The following DNAH1 variants were observed in gnomAD, a reference collection of about 807,000 sequenced individuals.
The protein encoded by DNAH1 is dynein axonemal heavy chain 1, also known as axonemal beta dynein heavy chain 1.
A neutral mutation model predicts 484.3 loss-of-function variants in DNAH1; 327 were observed. That is an observed-to-expected ratio of 0.68 (90% CI 0.62 to 0.74). The LOEUF is 0.74. DNAH1 is among the 30% of genes least tolerant of loss of function. DNAH1 has a pLI of 0.00. For synonymous variants in DNAH1, 2,192 were observed against 2,191.9 expected (o/e 1.00, Z 0.00); for missense variants, 5,052 against 5,546.8 (o/e 0.91, Z 2.83).
chr3:52,399,840 G>T, intron 77 of DNAH1, 61 bp downstream of exon 77: 1 of 1,509,392 alleles, frequency 6.6e-7, no homozygotes, highest in South Asian at 1.2e-5. Context: ...ACCCAGCCCA[G>T]CCCAAGCCAG....
chr3:52,395,996 T>C lies in DNAH1; in HGVS notation c.11259+318T>C, dbSNP rs969749903. On this transcript the variant is annotated intron_variant, in intron 70 of 77. Transcript: ENST00000420323. The surrounding 1 kb of genome is among the most constrained non-coding windows in gnomAD (Gnocchi z 4.4). Reference sequence around the variant, plus strand: ...CTCTGTCACCGGGGCTGGGGTGCAGTGGTGCAATCTCGGTTCACTGCAACC... The same window carrying C: ...CTCTGTCACCGGGGCTGGGGTGCAGCGGTGCAATCTCGGTTCACTGCAACC... 6.7e-6 allele frequency among the ~76,000 whole-genome samples: 1 copy of C among 148,720 alleles called. No homozygotes were observed. Among genetic ancestry groups the C allele is most frequent in the Non-Finnish European group, 1.5e-5 (1 of 67,480 alleles).
intron 60 of DNAH1, among the ~76,000 whole-genome samples, chr3:52,389,850 G>A (rs1250559908): frequency 2.0e-5 from 3 of 152,210 alleles, no homozygotes; most frequent in South Asian, 2.1e-4. Flanking sequence ...GGTGGCTCAC[G>A]CCTGTAATCC....
At chr3:52,318,591 C>T (rs1701034887) in intron 1 of DNAH1, among the ~76,000 whole-genome samples, 1 of 152,254 alleles carries the variant, frequency 6.6e-6, no homozygotes, top group African/African-American at 2.4e-5. Context: ...AAGCCCATGC[C>T]AGCCTCATGC....
chr3:52,333,724 T>C (rs946205343), intron 8 of DNAH1, among the ~76,000 whole-genome samples: 9 of 152,246 alleles, frequency 5.9e-5, no homozygotes, highest in African/African-American at 2.2e-4. Flanking sequence ...GAAAGTGATA[T>C]GCATTCAGTA....
upstream of DNAH1, among the ~76,000 whole-genome samples, chr3:52,311,787 G>C (rs905183790): frequency 6.6e-6 from 1 of 152,178 alleles, no homozygotes; most frequent in Non-Finnish European, 1.5e-5. Context: ...CTGGCTATGT[G>C]CCTGAGCCCA....
At position 52,363,077 on chromosome 3, in the gene DNAH1, A is replaced by T. The variant is rs192723261; in HGVS notation, c.5177A>T (p.Glu1726Val). The T allele has an allele frequency of 6.8e-5, 110 of 1,613,964 alleles. 1 individual carries two copies. In the African/African-American group the frequency reaches 1.3e-3, roughly 19 times the overall value. Residue 1726 changes from glutamate (E) to valine (V), a missense_variant, in exon 32 of 78, where the codon GAG becomes GTG. Around this residue, in one of 4 missense-constraint regions of DNAH1, gnomAD observed 2,929 missense variants for 3,409.4 expected, o/e 0.86. Transcript: ENST00000420323. Reference protein sequence around the residue: ...EISLYSFGFNEASVLAKKITT... With the variant: ...EISLYSFGFNVASVLAKKITT... ...TCCCTCTATTCCTTTGGCTTTAATG[A>T]GGCCAGTGTGCTGGCTAAGAAGATC...
intron 44 of DNAH1, chr3:52,374,026 G>T (rs1048190817): frequency 6.9e-6 from 7 of 1,016,168 alleles, no homozygotes; most frequent in African/African-American, 4.8e-5. Context: ...ATATAGCGAA[G>T]AAATATATTG....
rs1265332312 is a variant in DNAH1 at position 52,385,389 on chromosome 3, T to G, written c.8567T>G (p.Met2856Arg). The G allele has an allele frequency of 1.9e-6, 3 of 1,552,880 alleles. No homozygotes were observed. Among genetic ancestry groups the G allele is most frequent in the South Asian group, 2.4e-5 (2 of 84,114 alleles). The change falls in exon 54 of 78, where the codon ATG becomes AGG. Residue 2856 changes from methionine to arginine, a missense_variant. Met to Arg is a moderately conservative substitution (Grantham distance 91, BLOSUM62 -1). Coordinates refer to ENST00000420323, the MANE Select transcript of DNAH1 (RefSeq NM_015512.5). ...VAKMQEDLESMHPLLEEAAKD... is the reference protein window; with the variant it reads ...VAKMQEDLESRHPLLEEAAKD... ...AAGATGCAGGAGGACCTGGAGAGTA[T>G]GCACCCCCTGCTGGAGGAGGCTGCC...
At position 52,388,700 on chromosome 3, in the gene DNAH1, T is replaced by C. The variant is rs1323574499; in HGVS notation, c.9363+91T>C. On this transcript the variant is annotated intron_variant, in intron 58 of 77. Coordinates refer to ENST00000420323, the MANE Select transcript of DNAH1 (RefSeq NM_015512.5). ...GGGCGCCGGTGGGTCCTGGGGTGGC[T>C]GTCCACACCCCCTCCCTGGCAACCC... The C allele has an allele frequency of 2.9e-5, 46 of 1,604,926 alleles. No individual in the cohort carries two copies. In the Admixed American group the frequency reaches 5.2e-4, roughly 18 times the overall value.
Position 52,360,012 on chromosome 3 carries a change from G to A in DNAH1, c.4504G>A (p.Val1502Met), listed in dbSNP as rs17052095. 4.7e-3 allele frequency: 7,560 copies of A among 1,613,944 alleles called. 275 individuals are homozygous for A. The African/African-American group carries it at 0.081, about 17-fold the overall frequency. ...LIVIEVHAKD[V>M]VSKLIQENVV... The stretch of plus-strand genomic sequence containing the variant: ...CGTCATTGAGGTCCATGCCAAGGAC[G>A]TGGTGAGCAAGCTAATCCAGGAGAA... Residue 1502 changes from valine (V) to methionine (M), a missense_variant, in exon 27 of 78, where the codon GTG becomes ATG. Val to Met is a conservative substitution (Grantham distance 21). Coordinates refer to ENST00000420323, the MANE Select transcript of DNAH1 (RefSeq NM_015512.5).
rs1338011336 is a variant in DNAH1, at chr3:52,388,423, C to T, written c.9177C>T (p.Ala3059=). 2 of 1,611,316 alleles carry T rather than the reference C, an allele frequency of 1.2e-6. No homozygotes were observed. The highest frequency in any genetic ancestry group is 2.2e-5 in the South Asian group (2 of 90,608). ...VAKAVEPKRQ[A]LLEAQDDLGV... The stretch of plus-strand genomic sequence containing the variant: ...CTGCGCCCTCCGCCCCACAGCAAGC[C>T]CTGCTGGAGGCCCAGGATGACCTGG... The change falls in exon 58 of 78, where the codon GCC becomes GCT. Residue 3059 remains alanine (A), a synonymous_variant. Coordinates refer to ENST00000420323, the MANE Select transcript of DNAH1 (RefSeq NM_015512.5).
Position 52,386,208 on chromosome 3 carries a change from G to A in DNAH1, c.8674G>A (p.Glu2892Lys), listed in dbSNP as rs746182743. The change falls in exon 55 of 78, where the codon GAG (glutamate) becomes AAG (lysine). Residue 2892 changes from glutamate (E) to lysine (K), a missense_variant. Glu to Lys is a moderately conservative substitution (Grantham distance 56). This residue lies in a region of DNAH1 where 2,929 missense variants were observed against 3,409.4 expected (regional missense o/e 0.86). Transcript: ENST00000420323. Reference sequence around the variant, plus strand: ...GACCCGGAATTCAGTGCAGACAGAGGAGATCAAAGCCAATGAGAAGGCCAA... The same window carrying A: ...GACCCGGAATTCAGTGCAGACAGAGAAGATCAAAGCCAATGAGAAGGCCAA... ...EETRNSVQTE[E>K]IKANEKAKKA... 6 of 1,613,908 alleles carry A rather than the reference G, an allele frequency of 3.7e-6. No individual in the cohort carries two copies. The highest frequency in any genetic ancestry group is 5.1e-6 in the Non-Finnish European group (6 of 1,179,854).
At chr3:52,326,408 C>T in intron 4 of DNAH1, 94 bp downstream of exon 4, 1 of 1,409,990 alleles carries the variant, frequency 7.1e-7, no homozygotes, top group Non-Finnish European at 9.6e-7. Context: ...TGATAATCCT[C>T]ATGGCAGAGC....
At chr3:52,369,770 C>T (rs995204620) in intron 37 of DNAH1, 55 bp from the exon 38 acceptor site, 3 of 1,554,094 alleles carry the variant, frequency 1.9e-6, no homozygotes, top group East Asian at 2.3e-5. Flanking sequence ...GCAGCCCTTT[C>T]TCCAGGCCTG....
chr3:52,397,862 C>A lies in DNAH1; in HGVS notation c.11943C>A (p.Ser3981Arg). The A allele has an allele frequency of 6.2e-7, 1 of 1,604,928 alleles. No homozygotes were observed. Among genetic ancestry groups the A allele is most frequent in the African/African-American group, 1.3e-5 (1 of 74,938 alleles). Reference sequence around the variant, plus strand: ...AACCCAAATCATCTTCTGCAGGCAGCCAGGGCCGGGAGGAGGTGGGTGGTG... The same window carrying A: ...AACCCAAATCATCTTCTGCAGGCAGACAGGGCCGGGAGGAGGTGGGTGGTG... ...QLQPKSSSAG[S>R]QGREEIVEDV... The change falls in exon 74 of 78, where the codon AGC becomes AGA. Residue 3981 changes from serine to arginine, a missense_variant. Ser to Arg is a moderately radical substitution (Grantham distance 110). Around this residue, in one of 4 missense-constraint regions of DNAH1, gnomAD observed 853 missense variants for 899.0 expected, o/e 0.95. Coordinates refer to ENST00000420323, the MANE Select transcript of DNAH1 (RefSeq NM_015512.5).
intron 8 of DNAH1, among the ~76,000 whole-genome samples, chr3:52,339,198 G>A (rs572673627): frequency 5.9e-5 from 9 of 151,578 alleles, no homozygotes; most frequent in African/African-American, 2.2e-4. Flanking sequence ...ACCAGTTTCC[G>A]ACCCTTTTTA....
intron 53 of DNAH1, 131 bp from the exon 54 acceptor site, chr3:52,385,206 G>T: frequency 9.4e-7 from 1 of 1,061,240 alleles, no homozygotes; most frequent in Non-Finnish European, 1.4e-6. Context: ...CTCTGGGGTC[G>T]GCTGGGCAAT....
At chr3:52,341,142 G>A (rs931160585) in intron 8 of DNAH1, among the ~76,000 whole-genome samples, 1 of 152,174 alleles carries the variant, frequency 6.6e-6, no homozygotes, top group Non-Finnish European at 1.5e-5. Context: ...GTCTTAGACA[G>A]CAGGGAAGTG....
At position 52,377,551 on chromosome 3, in the gene DNAH1, G is replaced by A. The variant is rs530961511; in HGVS notation, c.7199-1051G>A. ...ACCCATCGCATCCAGGCAAGAGCCC[G>A]GGTCTTGACAATGGTAGGCAAAGCC... On this transcript the variant is annotated intron_variant, in intron 46 of 77. Transcript: ENST00000420323. Among the ~76,000 whole-genome samples, 101 of 152,038 alleles carry A rather than the reference G, an allele frequency of 6.6e-4. 1 individual carries two copies. The highest frequency in any genetic ancestry group is 4.8e-3 in the South Asian group (23 of 4,802).
Sources: allele counts gnomAD v4.1 joint callset (sites outside exome capture counted in the v4.1 genomes callset), GRCh38; gene constraint gnomAD v4.1.1; regional missense constraint gnomAD v4.1.1; non-coding constraint Gnocchi (gnomAD v3.1); transcripts MANE v1.5; gene names NCBI Gene and HGNC (gene_info 2026-07-23, HGNC 2026-07-21).